AOX1: variants seen among roughly 807,000 people sequenced by gnomAD.
The protein encoded by AOX1 is aldehyde oxidase 1.
AOX1 carries 153 observed loss-of-function variants against 169.5 expected under a neutral mutation model. That is an observed-to-expected ratio of 0.90 (90% confidence interval 0.79 to 1.03). The LOEUF is 1.03. AOX1 is among the 50% of genes least tolerant of loss of function. The probability of loss-of-function intolerance (pLI) is 0.00; values close to 1 mark genes in which losing one functional copy is unlikely to be tolerated. For missense variants in AOX1, 1,656 were observed against 1,663.9 expected (o/e 1.00, Z 0.08); for synonymous variants, 562 against 581.9 (o/e 0.97, Z 0.49).
intron 3 of AOX1, among the ~76,000 whole-genome samples, chr2:200,595,943 G>A (rs1173035380): frequency 6.6e-6 from 1 of 152,082 alleles, no homozygotes; most frequent in African/African-American, 2.4e-5. Context: ...TTCCCATTAT[G>A]TTTAACATCT....
intron 29 of AOX1, among the ~76,000 whole-genome samples, chr2:200,660,635 G>A (rs1443334931): frequency 1.3e-5 from 2 of 152,200 alleles, no homozygotes; most frequent in African/African-American, 4.8e-5. Context: ...CAAAGTAATA[G>A]TTTATCAACT....
At position 200,649,017 on chromosome 2, in the gene AOX1, G is replaced by T. The variant is rs180820274; in HGVS notation, c.2848-1957G>T. On this transcript the variant is annotated intron_variant, in intron 25 of 34. Coordinates refer to ENST00000374700, the MANE Select transcript of AOX1 (RefSeq NM_001159.4). ...AAACTTGCCCTGTGCTGCACCCCTA[G>T]CTGAGAGAGAAAAGGGCTTGGTTTC... 6.6e-5 allele frequency among the ~76,000 whole-genome samples: 10 copies of T among 152,222 alleles called. No individual in the cohort carries two copies. The East Asian group carries it at 1.7e-3, about 26-fold the overall frequency.
chr2:200,634,700 G>A, intron 20 of AOX1, 91 bp from the exon 21 acceptor site: 1 of 1,491,454 alleles, frequency 6.7e-7, no homozygotes, highest in Non-Finnish European at 9.2e-7. Context: ...AGTACTATTA[G>A]TGGAATTTCT....
chr2:200,678,742 C>A (rs1429974092), downstream of AOX1: 1 of 135,826 alleles, frequency 7.4e-6, no homozygotes. Context: ...AAAAAAAAAA[C>A]CTCTGGATAC....
At chr2:200,619,550 C>T (rs1318837470) in intron 16 of AOX1, among the ~76,000 whole-genome samples, 1 of 152,198 alleles carries the variant, frequency 6.6e-6, no homozygotes, top group African/African-American at 2.4e-5. Context: ...CTTCTTTCTT[C>T]ATATCTTCAG....
downstream of AOX1, among the ~76,000 whole-genome samples, chr2:200,680,197 G>T (rs1262289733): frequency 1.3e-5 from 2 of 152,202 alleles, no homozygotes; most frequent in Non-Finnish European, 2.9e-5. Flanking sequence ...ATAGTTTTGT[G>T]ACCTGAATGT....
chr2:200,632,633 TA>T (rs34032166), intron 20 of AOX1, among the ~76,000 whole-genome samples: 10 of 150,238 alleles, frequency 6.7e-5, no homozygotes, highest in East Asian at 1.9e-4. Context: ...TTTCTTCATT[TA>T]AAAAAAAAAT....
In AOX1 at chr2:200,599,751, G is replaced by A. The variant is rs762984972; in HGVS notation, c.436+5G>A. ...AGTTAACTGATGCCCTTGGTGGTAG[G>A]TTATATATGCATGCTTTTATTTTTT... On this transcript the variant is annotated splice_donor_5th_base_variant and intron_variant, in intron 5 of 34. Coordinates refer to ENST00000374700, the MANE Select transcript of AOX1 (RefSeq NM_001159.4). 6.6e-7 allele frequency: 1 copy of A among 1,522,838 alleles called. No homozygotes were observed. 94.3% of individuals were successfully genotyped at this position (1,522,838 alleles called of 1,614,324 possible).
chr2:200,604,179 A>G, intron 8 of AOX1, 82 bp downstream of exon 8: 1 of 1,063,698 alleles, frequency 9.4e-7, no homozygotes, highest in Non-Finnish European at 1.5e-6. Flanking sequence ...GGTTCTCTCA[A>G]AAGCTGATTG....
chr2:200,601,552 G>A (rs1226573470), intron 5 of AOX1, among the ~76,000 whole-genome samples: 2 of 152,130 alleles, frequency 1.3e-5, no homozygotes, highest in African/African-American at 2.4e-5. Context: ...TTTCATGGGT[G>A]TAAGACTTAT....
At chr2:200,644,171 A>G (rs2035407949) in intron 25 of AOX1, among the ~76,000 whole-genome samples, 1 of 152,204 alleles carries the variant, frequency 6.6e-6, no homozygotes, top group African/African-American at 2.4e-5. Flanking sequence ...TTCCAATGTT[A>G]TCTTCTAGAA....
chr2:200,593,926 A>G (rs539194365), intron 2 of AOX1, among the ~76,000 whole-genome samples: 1 of 152,354 alleles, frequency 6.6e-6, no homozygotes, highest in African/African-American at 2.4e-5. Context: ...CCTATGTATA[A>G]TATTTAAAGT....
At chr2:200,663,686 G>T (rs2035875177) in intron 31 of AOX1, among the ~76,000 whole-genome samples, 1 of 151,710 alleles carries the variant, frequency 6.6e-6, no homozygotes, top group East Asian at 1.9e-4. Flanking sequence ...CCACTTACTG[G>T]TCACTGTCAA....
rs769916985 is a variant in AOX1 at position 200,663,021 on chromosome 2, TCC to T, written c.3543+53_3543+54del. ...AGTTGCACTTAGGATGCACCTAAATTCCACAGATGCCATCTATCTGAGGAGAG... is the reference window on the plus strand; with the variant it reads ...AGTTGCACTTAGGATGCACCTAAATTACAGATGCCATCTATCTGAGGAGAG... On this transcript the variant is annotated intron_variant, in intron 31 of 34. Coordinates refer to ENST00000374700, the MANE Select transcript of AOX1 (RefSeq NM_001159.4). 6 of 1,388,750 alleles carry T rather than the reference TCC, an allele frequency of 4.3e-6. No homozygotes were observed. In the African/African-American group the frequency reaches 8.5e-5, roughly 20 times the overall value. The allele number at this position is 1,388,750 out of a possible 1,614,324, so 86.0% of individuals were successfully genotyped here. A position where few individuals can be genotyped will look rare whatever the true frequency, so the allele number is the denominator to read the frequency against.
chr2:200,657,190 A>ATATATATTTTTTTTTTTT, intron 27 of AOX1, among the ~76,000 whole-genome samples: 58 of 62,848 alleles, frequency 9.2e-4, no homozygotes, highest in African/African-American at 2.7e-3. Context: ...ATATATATAT[A>ATATATATTTTTTTTTTTT]TTTTTTTTTT....
At chr2:200,595,810 C>T (rs910478309) in intron 3 of AOX1, among the ~76,000 whole-genome samples, 1 of 152,192 alleles carries the variant, frequency 6.6e-6, no homozygotes, top group African/African-American at 2.4e-5. Flanking sequence ...TCATATATTA[C>T]TCTTCCAGCC....
chr2:200,633,194 G>T (rs1480021241), intron 20 of AOX1, among the ~76,000 whole-genome samples: 3 of 152,064 alleles, frequency 2.0e-5, no homozygotes, highest in Admixed American at 1.3e-4. Context: ...TGACTATGAG[G>T]TATCTTGGAG....
chr2:200,675,510 A>G (rs916484967), downstream of AOX1, among the ~76,000 whole-genome samples: 1 of 152,182 alleles, frequency 6.6e-6, no homozygotes, highest in African/African-American at 2.4e-5. Context: ...TAAGGAACAC[A>G]TTTTAGAAGG....
At chr2:200,644,901 C>T (rs1336468382) in intron 25 of AOX1, among the ~76,000 whole-genome samples, 1 of 152,080 alleles carries the variant, frequency 6.6e-6, no homozygotes, top group Non-Finnish European at 1.5e-5. Flanking sequence ...GTCTTGTATC[C>T]GGAAACTTTG....
Sources: allele counts gnomAD v4.1 joint callset (sites outside exome capture counted in the v4.1 genomes callset), GRCh38; gene constraint gnomAD v4.1.1; transcripts MANE v1.5; gene names NCBI Gene and HGNC (gene_info 2026-07-23, HGNC 2026-07-21).